The following ZMAT4 variants were observed in gnomAD, a reference collection of about 807,000 sequenced individuals.
ZMAT4 encodes the protein zinc finger matrin-type 4.
ZMAT4 carries 17 observed loss-of-function variants against 28.7 expected under a neutral mutation model. The ratio of observed to expected loss-of-function variants is 0.59; its 90% confidence interval spans 0.41 to 0.89. The LOEUF is 0.89. Ranked by LOEUF, ZMAT4 falls within the 40% of genes least tolerant of loss-of-function variation. The pLI is 0.00. For synonymous variants in ZMAT4, 117 were observed against 109.2 expected (o/e 1.07, Z -0.44); for missense variants, 240 against 283.8 (o/e 0.85, Z 1.11).
chr8:40,580,403 G>A (rs552015158), intron 6 of ZMAT4, among the ~76,000 whole-genome samples: 1 of 152,252 alleles, frequency 6.6e-6, no homozygotes, highest in South Asian at 2.1e-4. Flanking sequence ...CATAATTCAT[G>A]AGGTCTTGAT....
Position 40,697,372 on chromosome 8 carries a change from G to T in ZMAT4, c.222C>A (p.Asn74Lys). The T allele has an allele frequency of 6.2e-7, 1 of 1,605,136 alleles. No homozygotes were observed. The highest frequency in any genetic ancestry group is 8.5e-7 in the Non-Finnish European group (1 of 1,175,072). The change falls in exon 4 of 7, where the codon AAC becomes AAA. Residue 74 changes from asparagine to lysine, a missense_variant. Transcript: ENST00000297737. The stretch of plus-strand genomic sequence containing the variant: ...ACATGTTGCAGAGTGTGCAGCACTT[G>T]TTCTTATCCACCATGTCGGCATCAC... The part of the protein sequence containing the change: ...NGSDADMVDK[N>K]KCCTLCNMSF...
intron 5 of ZMAT4, among the ~76,000 whole-genome samples, chr8:40,626,823 T>C (rs1482634050): frequency 6.6e-6 from 1 of 151,928 alleles, no homozygotes; most frequent in Non-Finnish European, 1.5e-5. Flanking sequence ...GGGCTGGAGG[T>C]GGCCATTGAC....
At chr8:40,587,432 G>A (rs1804706427) in intron 5 of ZMAT4, among the ~76,000 whole-genome samples, 1 of 152,094 alleles carries the variant, frequency 6.6e-6, no homozygotes, top group African/African-American at 2.4e-5. Flanking sequence ...TTAAAACACT[G>A]TATTGTGTAT....
chr8:40,894,201 T>C (rs1818792559), intron 1 of ZMAT4, among the ~76,000 whole-genome samples: 1 of 152,230 alleles, frequency 6.6e-6, no homozygotes, highest in South Asian at 2.1e-4. Context: ...GACAGGACTG[T>C]GCTTCGAAGC....
chr8:40,580,693 G>C (rs1207786066), intron 6 of ZMAT4, among the ~76,000 whole-genome samples: 2 of 152,062 alleles, frequency 1.3e-5, no homozygotes, highest in African/African-American at 4.8e-5. Context: ...TGGAAATAGT[G>C]AATGTCATTG....
At chr8:40,717,160 T>G (rs9643846) in intron 3 of ZMAT4, among the ~76,000 whole-genome samples, 22,509 of 152,128 alleles carry the variant, frequency 0.15, 2,387 homozygotes, top group East Asian at 0.38. Flanking sequence ...CTTTTGCTTA[T>G]CAAACCTTGC....
chr8:40,600,564 G>A (rs1805266604), intron 5 of ZMAT4, among the ~76,000 whole-genome samples: 1 of 152,162 alleles, frequency 6.6e-6, no homozygotes, highest in African/African-American at 2.4e-5. Context: ...ATCTCAAGAA[G>A]AGGAAGTGAG....
intron 2 of ZMAT4, among the ~76,000 whole-genome samples, chr8:40,811,063 T>A (rs1036628060): frequency 2.6e-5 from 4 of 152,234 alleles, no homozygotes; most frequent in African/African-American, 9.6e-5. Flanking sequence ...AACCCTCATG[T>A]ACAATTGGTT....
chr8:40,592,616 A>G (rs904277290), intron 5 of ZMAT4, among the ~76,000 whole-genome samples: 3 of 152,244 alleles, frequency 2.0e-5, no homozygotes, highest in African/African-American at 7.2e-5. Flanking sequence ...ATCTAAAGCT[A>G]GGGAATAAAT....
At chr8:40,737,683 C>G (rs1811829854) in intron 3 of ZMAT4, among the ~76,000 whole-genome samples, 1 of 151,946 alleles carries the variant, frequency 6.6e-6, no homozygotes, top group South Asian at 2.1e-4. Flanking sequence ...TAAACTTGCT[C>G]AAGGAGAGGA....
At chr8:40,723,542 C>CAAAAAAAAAA (rs58513087) in intron 3 of ZMAT4, among the ~76,000 whole-genome samples, 8 of 66,860 alleles carry the variant, frequency 1.2e-4, no homozygotes, top group Admixed American at 2.3e-4. Context: ...GATTCCATCT[C>CAAAAAAAAAA]AAAAAAAAAA....
At chr8:40,834,766 A>G (rs1214017278) in intron 1 of ZMAT4, among the ~76,000 whole-genome samples, 1 of 152,042 alleles carries the variant, frequency 6.6e-6, no homozygotes, top group Non-Finnish European at 1.5e-5. Flanking sequence ...ACATCTCCTT[A>G]CCCTGTAGGT....
intron 3 of ZMAT4, among the ~76,000 whole-genome samples, chr8:40,704,306 G>A (rs942495696): frequency 1.3e-5 from 2 of 152,166 alleles, no homozygotes; most frequent in Admixed American, 6.5e-5. Flanking sequence ...TGACTACAGG[G>A]TCCTGGGTAA....
At chr8:40,816,390 G>A (rs140400415) in intron 2 of ZMAT4, among the ~76,000 whole-genome samples, 2 of 151,948 alleles carry the variant, frequency 1.3e-5, no homozygotes, top group African/African-American at 4.8e-5. Flanking sequence ...AAGGAAGAAA[G>A]AATTTTTTTT....
chr8:40,854,028 G>A (rs1817210110), intron 1 of ZMAT4, among the ~76,000 whole-genome samples: 1 of 152,138 alleles, frequency 6.6e-6, no homozygotes, highest in Admixed American at 6.5e-5. Context: ...TGAGTCACGT[G>A]ACCAGAGAAG....
chr8:40,772,519 A>G (rs1813424717), intron 2 of ZMAT4, among the ~76,000 whole-genome samples: 1 of 152,232 alleles, frequency 6.6e-6, no homozygotes, highest in Non-Finnish European at 1.5e-5. Flanking sequence ...CAGCAGGGCT[A>G]CTGATTTCTG....
At chr8:40,685,329 C>G (rs550494455) in intron 4 of ZMAT4, among the ~76,000 whole-genome samples, 9 of 152,160 alleles carry the variant, frequency 5.9e-5, no homozygotes, top group Non-Finnish European at 1.2e-4. Context: ...ACCACTGCTT[C>G]TCCAATTGAG....
chr8:40,721,010 G>A (rs896262053), intron 3 of ZMAT4, among the ~76,000 whole-genome samples: 27 of 151,374 alleles, frequency 1.8e-4, no homozygotes, highest in African/African-American at 5.8e-4. Flanking sequence ...TAAGTTTTAG[G>A]GTACATGTGC....
intron 2 of ZMAT4, among the ~76,000 whole-genome samples, chr8:40,796,479 A>G (rs922572721): frequency 6.6e-6 from 1 of 152,226 alleles, no homozygotes; most frequent in Non-Finnish European, 1.5e-5. Context: ...TGCTGAAGTC[A>G]GCAACTCGCC....
Sources: allele counts gnomAD v4.1 joint callset (sites outside exome capture counted in the v4.1 genomes callset), GRCh38; gene constraint gnomAD v4.1.1; transcripts MANE v1.5; gene names NCBI Gene and HGNC (gene_info 2026-07-23, HGNC 2026-07-21).